The following MYPN variants were observed in gnomAD, a reference collection of about 807,000 sequenced individuals.
MYPN encodes the protein sarcomeric protein myopalladin, 145 kDa (MYOP).
MYPN carries 63 observed loss-of-function variants against 129.4 expected under a neutral mutation model. That is an observed-to-expected ratio of 0.49 (90% confidence interval 0.40 to 0.60). MYPN has a LOEUF of 0.60. Ranked by LOEUF, MYPN falls within the 20% of genes least tolerant of loss-of-function variation. The probability of loss-of-function intolerance (pLI) is 0.00; values close to 1 mark genes in which losing one functional copy is unlikely to be tolerated. For missense variants in MYPN, 1,596 were observed against 1,635.4 expected, an observed-to-expected ratio of 0.98 and a Z score of 0.42; for synonymous variants, 629 against 600.9, an observed-to-expected ratio of 1.05 and a Z score of -0.68.
At chr10:68,160,755 A>T (rs1192034319) in intron 7 of MYPN, among the ~76,000 whole-genome samples, 1 of 152,040 alleles carries the variant, frequency 6.6e-6, no homozygotes, top group Non-Finnish European at 1.5e-5. Context: ...CGTCTCTACT[A>T]AAAATACAAA....
At chr10:68,126,238 A>T (rs943659897) in intron 2 of MYPN, among the ~76,000 whole-genome samples, 2 of 152,178 alleles carry the variant, frequency 1.3e-5, no homozygotes, top group Non-Finnish European at 2.9e-5. Flanking sequence ...AGGTCACTTC[A>T]GCATGTTTAT....
intron 2 of MYPN, among the ~76,000 whole-genome samples, chr10:68,134,654 G>A (rs1317645453): frequency 6.6e-6 from 1 of 152,046 alleles, no homozygotes; most frequent in Non-Finnish European, 1.5e-5. Flanking sequence ...AATTAGCTGG[G>A]CATGTTGGTG....
At chr10:68,094,435 T>C (rs775528658) in intron 1 of MYPN, among the ~76,000 whole-genome samples, 4 of 151,912 alleles carry the variant, frequency 2.6e-5, no homozygotes, top group Admixed American at 6.6e-5. Context: ...CCAATATTTG[T>C]ATTTTTAGTA....
At chr10:68,149,777 G>A (rs990841338) in intron 5 of MYPN, among the ~76,000 whole-genome samples, 3 of 151,988 alleles carry the variant, frequency 2.0e-5, no homozygotes, top group Admixed American at 6.6e-5. Context: ...TGGAGGTTTA[G>A]GGTTAATGAC....
chr10:68,148,884 C>A (rs921844661), intron 5 of MYPN, among the ~76,000 whole-genome samples: 2 of 152,140 alleles, frequency 1.3e-5, no homozygotes, highest in Non-Finnish European at 2.9e-5. Context: ...GGCTCTCATC[C>A]TTCAAGTTAA....
chr10:68,166,135 G>A (rs1168161199), intron 9 of MYPN, among the ~76,000 whole-genome samples, 159 bp from the exon 10 acceptor site: 7 of 151,926 alleles, frequency 4.6e-5, no homozygotes, highest in Admixed American at 4.6e-4. Context: ...ATTTTTTCCT[G>A]TATCCTTACC....
chr10:68,106,112 G>C (rs2042010080), upstream of MYPN: 1 of 453,628 alleles, frequency 2.2e-6, no homozygotes, highest in Non-Finnish European at 4.4e-6. Flanking sequence ...TCTGACACAA[G>C]TTAGGCAGTG....
chr10:68,108,289 C>G (rs774722668), upstream of MYPN, among the ~76,000 whole-genome samples: 3 of 152,176 alleles, frequency 2.0e-5, no homozygotes, highest in Non-Finnish European at 4.4e-5. Context: ...AATTAAACCT[C>G]CAATGTGATC....
Position 68,162,104 on chromosome 10 carries a change from G to A in MYPN, c.1483+352G>A, listed in dbSNP as rs1398781108. ...AATCACTTGAGCCTGGGAGGTGGAGGTTGCAGTGAGCCGAGATCGTGACAC... is the reference window on the plus strand; with the variant it reads ...AATCACTTGAGCCTGGGAGGTGGAGATTGCAGTGAGCCGAGATCGTGACAC... On this transcript the variant is annotated intron_variant, in intron 8 of 19. Coordinates refer to ENST00000358913, the MANE Select transcript of MYPN (RefSeq NM_032578.4). 4 of 161,890 alleles carry A rather than the reference G, an allele frequency of 2.5e-5. No homozygotes were observed. In the Admixed American group the frequency reaches 2.6e-4, roughly 11 times the overall value. The allele number at this position is 161,890 out of a possible 1,614,324, so 10.0% of individuals were successfully genotyped here.
intron 1 of MYPN, among the ~76,000 whole-genome samples, chr10:68,110,064 G>T (rs1327544587): frequency 6.6e-6 from 1 of 152,182 alleles, no homozygotes; most frequent in African/African-American, 2.4e-5. Context: ...TGTAAGCAAT[G>T]CCAGTTTCCT....
At position 68,175,477 on chromosome 10, in the gene MYPN, T is replaced by C; in HGVS notation, c.2703+16T>C. ...AAACCAGCAGGTAAGATTGTTGGAT[T>C]TAGAAGGTTTATTGAAATTTTATTG... On this transcript the variant is annotated intron_variant, in intron 12 of 19. Transcript: ENST00000358913. 1 of 1,613,858 alleles carries C rather than the reference T, an allele frequency of 6.2e-7. No homozygotes were observed. The highest frequency in any genetic ancestry group is 8.5e-7 in the Non-Finnish European group (1 of 1,179,726).
Position 68,210,125 on chromosome 10 carries a change from T to C in MYPN, c.3794-161T>C, listed in dbSNP as rs187454393. Among the ~76,000 whole-genome samples the C allele has an allele frequency of 1.7e-3, 252 of 152,356 alleles. 1 individual carries two copies. Among genetic ancestry groups the C allele is most frequent in the African/African-American group, 5.8e-3 (242 of 41,584 alleles). On this transcript the variant is annotated intron_variant, in intron 19 of 19. Coordinates refer to ENST00000358913, the MANE Select transcript of MYPN (RefSeq NM_032578.4). ...CTTATTCCTGGCAGGGAAGGCTTTATTGTTCTCTTCTACAAACGAGGCAAT... is the reference window on the plus strand; with the variant it reads ...CTTATTCCTGGCAGGGAAGGCTTTACTGTTCTCTTCTACAAACGAGGCAAT...
intron 1 of MYPN, among the ~76,000 whole-genome samples, chr10:68,111,510 T>A (rs557505831): frequency 9.8e-5 from 15 of 152,330 alleles, no homozygotes; most frequent in African/African-American, 3.6e-4. Context: ...TCCTAGGGGA[T>A]GATATTTTTT....
intron 1 of MYPN, among the ~76,000 whole-genome samples, chr10:68,090,469 T>G (rs2041925946): frequency 6.6e-6 from 1 of 152,116 alleles, no homozygotes; most frequent in Non-Finnish European, 1.5e-5. Flanking sequence ...CAGGCCTCAA[T>G]GAGCACTTAT....
intron 2 of MYPN, among the ~76,000 whole-genome samples, chr10:68,123,726 T>TAA (rs2042286165): frequency 6.7e-6 from 1 of 150,066 alleles, no homozygotes; most frequent in African/African-American, 2.4e-5. Context: ...AATAAATAAG[T>TAA]ATAATTAAAA....
chr10:68,147,997 G>T (rs2042697977), intron 4 of MYPN, among the ~76,000 whole-genome samples: 1 of 152,118 alleles, frequency 6.6e-6, no homozygotes, highest in South Asian at 2.1e-4. Context: ...AAATGGGAGG[G>T]GGAGGGAAAA....
rs564628158 is a variant in MYPN at position 68,211,519 on chromosome 10, G to A, written c.*1064G>A. 2.4e-4 allele frequency: 110 copies of A among 454,096 alleles called. 1 individual carries two copies. Among genetic ancestry groups the A allele is most frequent in the South Asian group, 1.7e-3 (110 of 64,478 alleles). 28.1% of individuals were successfully genotyped at this position (454,096 alleles called of 1,614,324 possible). A position where few individuals can be genotyped will look rare whatever the true frequency, so the allele number is the denominator to read the frequency against. On this transcript the variant is annotated 3_prime_UTR_variant, in exon 20 of 20. Coordinates refer to ENST00000358913, the MANE Select transcript of MYPN (RefSeq NM_032578.4). Reference sequence around the variant, plus strand: ...TCATTGGTCAAATTGCATTTTCTATGTAGAGAATATTCTGCTAGGTGGAAA... The same window carrying A: ...TCATTGGTCAAATTGCATTTTCTATATAGAGAATATTCTGCTAGGTGGAAA...
chr10:68,144,135 G>C (rs550821766), intron 3 of MYPN, among the ~76,000 whole-genome samples: 1 of 152,180 alleles, frequency 6.6e-6, no homozygotes, highest in Admixed American at 6.5e-5. Flanking sequence ...GTACCATCTG[G>C]GAACACTGGA....
chr10:68,096,178 T>C (rs59997904), intron 1 of MYPN, among the ~76,000 whole-genome samples: 12,349 of 152,234 alleles, frequency 0.081, 1,340 homozygotes, highest in African/African-American at 0.25. Flanking sequence ...AACCTGAAGA[T>C]TTATAAGATA....
Sources: gnomAD v4.1 joint callset for allele counts (sites outside exome capture counted in the v4.1 genomes callset) on GRCh38, gnomAD v4.1.1 for gene constraint, MANE v1.5 for transcripts, NCBI Gene and HGNC (gene_info 2026-07-23, HGNC 2026-07-21) for gene names.